LMNA: variants seen among roughly 807,000 people sequenced by gnomAD.
LMNA encodes the protein lamin.
Under a neutral mutation model 70.4 loss-of-function variants are expected in LMNA, and 20 were observed. That is an observed-to-expected ratio of 0.28 (90% confidence interval 0.20 to 0.41). The LOEUF is 0.41. LMNA is among the 10% of genes least tolerant of loss of function. LMNA has a pLI of 1.00. For synonymous variants in LMNA, 339 were observed against 372.8 expected (o/e 0.91, Z 1.04); for missense variants, 652 against 917.2 (o/e 0.71, Z 3.73).
chr1:156,110,484 C>T (rs1282033133), upstream of LMNA, among the ~76,000 whole-genome samples: 1 of 152,220 alleles, frequency 6.6e-6, no homozygotes, highest in Non-Finnish European at 1.5e-5. Flanking sequence ...GAAACTAACG[C>T]TGGAAAAACT....
At position 156,135,201 on chromosome 1, in the gene LMNA, G is replaced by T; in HGVS notation, c.825G>T (p.Arg275Ser). The part of the protein sequence containing the change: ...KTYSAKLDNA[R>S]QSAERNSNLV... ...CTCCCCTCCAGCTGGACAATGCCAGGCAGTCTGCTGAGAGGAACAGCAACC... is the reference window on the plus strand; with the variant it reads ...CTCCCCTCCAGCTGGACAATGCCAGTCAGTCTGCTGAGAGGAACAGCAACC... The change falls in exon 5 of 12, where the codon AGG (arginine) becomes AGT (serine). Residue 275 changes from arginine to serine, a missense_variant. Coordinates refer to ENST00000368300, the MANE Select transcript of LMNA (RefSeq NM_170707.4). The surrounding 1 kb of genome is among the most constrained non-coding windows in gnomAD (Gnocchi z 4.8). 6.2e-7 allele frequency: 1 copy of T among 1,614,012 alleles called. No individual in the cohort carries two copies. Among genetic ancestry groups the T allele is most frequent in the Non-Finnish European group, 8.5e-7 (1 of 1,180,034 alleles).
chr1:156,123,550 TCACTGG>T (rs1240907179), intron 1 of LMNA, among the ~76,000 whole-genome samples: 1 of 152,160 alleles, frequency 6.6e-6, no homozygotes, highest in Non-Finnish European at 1.5e-5. Flanking sequence ...CTCGTTTTGG[TCACTGG>T]CCTCCCTCCC....
Position 156,089,601 on chromosome 1 carries a change from A to AAAAC in LMNA, c.-318-867_-318-866insCAAA, listed in dbSNP as rs1553259678. Among the ~76,000 whole-genome samples, 18 of 145,586 alleles carry AAAAC rather than the reference A, an allele frequency of 1.2e-4. No homozygotes were observed. In the East Asian group the frequency reaches 3.2e-3, roughly 26 times the overall value. On this transcript the variant is annotated intron_variant, in intron 2 of 12. Coordinates refer to the LMNA transcript ENST00000368301. ...AGAGCCAAACTCCGTCTAAAAAAAAAAAAGAAAGAAAGAAAGAAAGAAAGG... is the reference window on the plus strand; with the variant it reads ...AGAGCCAAACTCCGTCTAAAAAAAAAAAACAAAGAAAGAAAGAAAGAAAGAAAGG...
rs3209857 is a variant in LMNA, at chr1:156,138,736, C to A, written c.1947C>A (p.Gly649=). ...DNLVTRSYLL[G]NSSPRTQSPQ... Reference sequence around the variant, plus strand: ...TGGTCACCCGCTCCTACCTCCTGGGCAACTCCAGCCCCCGAACCCAGGTGA... The same window carrying A: ...TGGTCACCCGCTCCTACCTCCTGGGAAACTCCAGCCCCCGAACCCAGGTGA... Residue 649 remains glycine, a synonymous_variant, in exon 11 of 12, where the codon GGC becomes GGA. Transcript: ENST00000368300. The surrounding 1 kb of genome is among the most constrained non-coding windows in gnomAD (Gnocchi z 5.5). 1 of 1,613,458 alleles carries A rather than the reference C, an allele frequency of 6.2e-7. No individual in the cohort carries two copies. The highest frequency in any genetic ancestry group is 8.5e-7 in the Non-Finnish European group (1 of 1,180,002).
At chr1:156,090,978 A>G (rs1648676066) in intron 3 of LMNA, 2 of 152,294 alleles carry the variant, frequency 1.3e-5, no homozygotes, top group South Asian at 2.1e-4. Flanking sequence ...CCAGGGCTCC[A>G]TGCTCGGCTT....
chr1:156,132,723 C>T (rs781280401), intron 2 of LMNA, among the ~76,000 whole-genome samples: 40 of 152,046 alleles, frequency 2.6e-4, no homozygotes, highest in Non-Finnish European at 3.7e-4. Flanking sequence ...GGTCTGGTCT[C>T]CAGCCTCCCA....
rs889467318 is a variant in LMNA, at chr1:156,138,430, G to C, written c.1699-58G>C. 1 of 1,578,874 alleles carries C rather than the reference G, an allele frequency of 6.3e-7. No individual in the cohort carries two copies. ...CCTGCAGGAGCCTGGAGCCTGGTTG[G>C]GCCTGAGTGGTCAGTCCCAGACTCG... is the stretch of plus-strand genomic sequence containing the variant. On this transcript the variant is annotated intron_variant, in intron 10 of 11. Transcript: ENST00000368300. The surrounding 1 kb of genome is among the most constrained non-coding windows in gnomAD (Gnocchi z 5.5).
At chr1:156,102,837 T>C (rs973008389) in intron 3 of LMNA, among the ~76,000 whole-genome samples, 3 of 152,058 alleles carry the variant, frequency 2.0e-5, no homozygotes, top group Admixed American at 2.0e-4. Flanking sequence ...AAAACAACAG[T>C]CTTTTGGTTG....
chr1:156,084,113 T>A (rs1648382245), intron 2 of LMNA, among the ~76,000 whole-genome samples: 1 of 152,108 alleles, frequency 6.6e-6, no homozygotes, highest in South Asian at 2.1e-4. Flanking sequence ...AAGGTGTCCT[T>A]TTCTGGAGTG....
Position 156,135,557 on chromosome 1 carries a change from G to A in LMNA, c.936+245G>A. 3.2e-6 allele frequency: 2 copies of A among 618,888 alleles called. No homozygotes were observed. The highest frequency in any genetic ancestry group is 5.7e-6 in the Non-Finnish European group (2 of 352,130). The allele number at this position is 618,888 out of a possible 1,614,324, so 38.3% of individuals were successfully genotyped here. A position where few individuals can be genotyped will look rare whatever the true frequency, so the allele number is the denominator to read the frequency against. ...TTGGTTTTCCCATTCGAAAATGGAG[G>A]CTGTTCTTAATCTCCCTAACTCAGA... is the stretch of plus-strand genomic sequence containing the variant. On this transcript the variant is annotated intron_variant, in intron 5 of 11. Transcript: ENST00000368300. This position sits in a 1 kb window ranked among gnomAD's most constrained non-coding sequence, Gnocchi z 4.8.
In LMNA at chr1:156,138,223, A is replaced by G; in HGVS notation, c.1699-265A>G. Reference sequence around the variant, plus strand: ...TCCCGTTCTCTCTTCTTTTCCTCTTAAGCTCAGAGTAGCTAGAACAGAGTC... The same window carrying G: ...TCCCGTTCTCTCTTCTTTTCCTCTTGAGCTCAGAGTAGCTAGAACAGAGTC... On this transcript the variant is annotated intron_variant, in intron 10 of 11. Transcript: ENST00000368300. The surrounding 1 kb of genome is among the most constrained non-coding windows in gnomAD (Gnocchi z 5.5). 1 of 582,454 alleles carries G rather than the reference A, an allele frequency of 1.7e-6. No homozygotes were observed. Among genetic ancestry groups the G allele is most frequent in the Non-Finnish European group, 3.1e-6 (1 of 327,086 alleles). The allele number at this position is 582,454 out of a possible 1,614,324, so 36.1% of individuals were successfully genotyped here.
intron 3 of LMNA, among the ~76,000 whole-genome samples, chr1:156,095,673 C>G (rs540268852): frequency 6.6e-6 from 1 of 152,130 alleles, no homozygotes; most frequent in African/African-American, 2.4e-5. Context: ...ACACTTCTAA[C>G]GCCAACATCC....
intron 3 of LMNA, among the ~76,000 whole-genome samples, chr1:156,106,161 T>C (rs1030332913): frequency 1.3e-5 from 2 of 151,468 alleles, no homozygotes; most frequent in Admixed American, 1.3e-4. Flanking sequence ...TCCCTTATCC[T>C]AGGAGACTCC....
At chr1:156,122,512 G>A (rs971020161) in intron 1 of LMNA, among the ~76,000 whole-genome samples, 8 of 152,168 alleles carry the variant, frequency 5.3e-5, no homozygotes, top group African/African-American at 1.2e-4. Flanking sequence ...CTATTTCCCC[G>A]TGAAAGTTTG....
Position 156,130,597 on chromosome 1 carries a change from C to G in LMNA, c.357-20C>G. ...ACACAGACTCCTTCTCTTAAATCTACTCTCCCCTCTCTTCTTTAGCAATAC... is the reference window on the plus strand; with the variant it reads ...ACACAGACTCCTTCTCTTAAATCTAGTCTCCCCTCTCTTCTTTAGCAATAC... On this transcript the variant is annotated intron_variant, in intron 1 of 11. Coordinates refer to ENST00000368300, the MANE Select transcript of LMNA (RefSeq NM_170707.4). 1.9e-6 allele frequency: 3 copies of G among 1,613,488 alleles called. No individual in the cohort carries two copies. The highest frequency in any genetic ancestry group is 2.5e-6 in the Non-Finnish European group (3 of 1,179,776).
chr1:156,109,504 C>T (rs1195827554), upstream of LMNA: 1 of 152,372 alleles, frequency 6.6e-6, no homozygotes, highest in African/African-American at 2.4e-5. Context: ...CAGCTTTTTC[C>T]CACTTCAGCA....
At chr1:156,127,094 C>G in intron 1 of LMNA, 1 of 641,686 alleles carries the variant, frequency 1.6e-6, no homozygotes, top group South Asian at 2.0e-5. Context: ...ATGCCAACCC[C>G]CAGTGGAGTG....
Position 156,137,122 on chromosome 1 carries a change from G to A in LMNA, c.1498G>A (p.Ala500Thr). The A allele has an allele frequency of 6.2e-7, 1 of 1,613,862 alleles. No individual in the cohort carries two copies. Among genetic ancestry groups the A allele is most frequent in the Non-Finnish European group, 8.5e-7 (1 of 1,179,878 alleles). ...KAGQVVTIWA[A>T]GAGATHSPPT... ...CTTTTCTCCTCTCCAGATCTGGGCT[G>A]CAGGAGCTGGGGCCACCCACAGCCC... Residue 500 changes from alanine to threonine, a missense_variant, in exon 9 of 12, where the codon GCA (alanine) becomes ACA (threonine). Physicochemically the swap from Ala to Thr is moderately conservative, Grantham distance 58 (BLOSUM62 0). Around this residue, in one of 4 missense-constraint regions of LMNA, gnomAD observed 327 missense variants for 387.6 expected, o/e 0.84. Transcript: ENST00000368300. The surrounding 1 kb of genome is among the most constrained non-coding windows in gnomAD (Gnocchi z 4.6).
intron 2 of LMNA, among the ~76,000 whole-genome samples, chr1:156,086,393 A>ACTCTCTCTCTCTCTCTCTCT (rs55740793): frequency 1.4e-3 from 204 of 146,384 alleles, no homozygotes; most frequent in Middle Eastern, 3.5e-3. Flanking sequence ...GTGACCTCTG[A>ACTCTCTCTCTCTCTCTCTCT]CTCTCTCTCT....
Sources: gnomAD v4.1 joint callset for allele counts (sites outside exome capture counted in the v4.1 genomes callset) on GRCh38, gnomAD v4.1.1 for gene constraint, gnomAD v4.1.1 regional missense constraint, Gnocchi (gnomAD v3.1) non-coding constraint, MANE v1.5 for transcripts, NCBI Gene and HGNC (gene_info 2026-07-23, HGNC 2026-07-21) for gene names.